The following MEGF6 variants were observed in gnomAD, a reference collection of about 807,000 sequenced individuals.
MEGF6 encodes the protein multiple epidermal growth factor-like domains protein 6.
In MEGF6, 184 loss-of-function variants were observed where a neutral mutation model predicts 207.1. The observed-to-expected ratio is 0.89, with a 90% CI of 0.79 to 1.00. The LOEUF (loss-of-function observed/expected upper bound fraction) is 1.00. Among genes scored for constraint, MEGF6 ranks in the 50% least tolerant of loss-of-function variants. MEGF6 has a pLI of 0.00. For synonymous variants in MEGF6, 1,038 were observed against 910.0 expected (o/e 1.14, Z -2.53); for missense variants, 2,282 against 2,202.9 (o/e 1.04, Z -0.72).
At position 3,497,086 on chromosome 1, in the gene MEGF6, G is replaced by A. The variant is rs746548460; in HGVS notation, c.3515C>T (p.Ala1172Val). 4.6e-5 allele frequency: 73 copies of A among 1,573,216 alleles called. No individual in the cohort carries two copies. The highest frequency in any genetic ancestry group is 3.2e-4 in the South Asian group (28 of 86,230). Residue 1172 changes from alanine (A) to valine (V), a missense_variant, in exon 28 of 37, where the codon GCG (alanine) becomes GTG (valine). Physicochemically the swap from Ala to Val is moderately conservative, Grantham distance 64. Coordinates refer to ENST00000356575, the MANE Select transcript of MEGF6 (RefSeq NM_001409.4). The stretch of plus-strand genomic sequence containing the variant: ...CTCACCGGGACACTGGCACATCTGC[G>A]CACAGTCCTCCCCAAAGCTGCCGGG... ...CPPGSFGEDC[A>V]QMCQCPGENP...
At chr1:3,523,824 T>TCC (rs1031607105) in intron 5 of MEGF6, among the ~76,000 whole-genome samples, 4 of 152,160 alleles carry the variant, frequency 2.6e-5, no homozygotes, top group Non-Finnish European at 5.9e-5. Context: ...ACGGGCTCAC[T>TCC]CCCCTGTCCA....
chr1:3,497,308 G>T lies in MEGF6; in HGVS notation c.3406C>A (p.Pro1136Thr). ...GTGACGTGGTGGCAGGCAGCGCCAG[G>T]CGGGCAGCTGCAGCGCTGGGCACAG... ...EACAQRCSCP[P>T]GAACHHVTGA... Residue 1136 changes from proline to threonine, a missense_variant, in exon 27 of 37, where the codon CCT becomes ACT. Transcript: ENST00000356575. 1 of 1,551,052 alleles carries T rather than the reference G, an allele frequency of 6.4e-7. No homozygotes were observed.
chr1:3,582,113 C>T (rs1206778179), intron 3 of MEGF6, among the ~76,000 whole-genome samples: 1 of 152,228 alleles, frequency 6.6e-6, no homozygotes, highest in Non-Finnish European at 1.5e-5. Flanking sequence ...CAGATGCACC[C>T]AGCAGGACAC....
Position 3,605,589 on chromosome 1 carries a change from T to C in MEGF6, c.132-2989A>G, listed in dbSNP as rs868147898. Among the ~76,000 whole-genome samples, 25 of 151,748 alleles carry C rather than the reference T, an allele frequency of 1.6e-4. No individual in the cohort carries two copies. The South Asian group carries it at 3.5e-3, about 22-fold the overall frequency. On this transcript the variant is annotated intron_variant, in intron 1 of 36. Transcript: ENST00000356575. The stretch of plus-strand genomic sequence containing the variant: ...ACTCACATACACACACATACACTCA[T>C]ACAATGACACACACACAATCACATA...
intron 3 of MEGF6, among the ~76,000 whole-genome samples, chr1:3,589,384 C>T (rs1376148354): frequency 6.6e-6 from 1 of 152,110 alleles, no homozygotes; most frequent in Non-Finnish European, 1.5e-5. Context: ...ACCCCACGCC[C>T]GTCCCATTTG....
At chr1:3,611,005 C>A in intron 1 of MEGF6, 133 bp downstream of exon 1, 1 of 1,203,028 alleles carries the variant, frequency 8.3e-7, no homozygotes, top group Non-Finnish European at 1.1e-6. Context: ...GCCACCTCCT[C>A]CCCAGTTAAC....
At chr1:3,539,993 C>CT (rs1557761420) in intron 4 of MEGF6, among the ~76,000 whole-genome samples, 1 of 152,230 alleles carries the variant, frequency 6.6e-6, no homozygotes, top group Non-Finnish European at 1.5e-5. Context: ...GCCTTCTGGG[C>CT]TGCTGCCTAA....
At chr1:3,507,733 G>A (rs990321590) in intron 14 of MEGF6, 62 bp downstream of exon 14, 1 of 1,606,414 alleles carries the variant, frequency 6.2e-7, no homozygotes, top group Non-Finnish European at 8.5e-7. Flanking sequence ...GAGGGGTGGT[G>A]TCTCCCACTT....
intron 2 of MEGF6, among the ~76,000 whole-genome samples, chr1:3,600,862 G>A (rs957011132): frequency 2.0e-5 from 3 of 152,184 alleles, no homozygotes; most frequent in African/African-American, 4.8e-5. Context: ...CCCCAGGAGC[G>A]GGGGCCAGGT....
At position 3,505,484 on chromosome 1, in the gene MEGF6, C is replaced by A; in HGVS notation, c.1991G>T (p.Cys664Phe). ...GGAGCAGCTGCCATCCCTCTTGTCA[C>A]AGGACTGCGTGTGGGGCTGCACACA... ...CQCVQPHTQS[C>F]DKRDGSCSCK... Residue 664 changes from cysteine to phenylalanine, a missense_variant, in exon 16 of 37, where the codon TGT (cysteine) becomes TTT (phenylalanine). Transcript: ENST00000356575. 6.2e-7 allele frequency: 1 copy of A among 1,609,394 alleles called. No homozygotes were observed. Among genetic ancestry groups the A allele is most frequent in the African/African-American group, 1.3e-5 (1 of 74,902 alleles).
rs1220113090 is a variant in MEGF6 at position 3,499,252 on chromosome 1, T to C, written c.2980A>G (p.Thr994Ala). The C allele has an allele frequency of 1.2e-6, 2 of 1,605,432 alleles. No individual in the cohort carries two copies. The highest frequency in any genetic ancestry group is 1.3e-5 in the African/African-American group (1 of 74,796). ...PRCAETCPAHTYGHNCSQACA... is the reference protein window; with the variant it reads ...PRCAETCPAHAYGHNCSQACA... ...GCCTGGCTGCAATTGTGCCCGTAGG[T>C]GTGGGCTGGGCAGGCTGCAGGTGGA... The change falls in exon 24 of 37, where the codon ACC becomes GCC. Residue 994 changes from threonine to alanine, a missense_variant. Transcript: ENST00000356575.
Position 3,514,588 on chromosome 1 carries a change from A to G in MEGF6, c.815T>C (p.Val272Ala). 6.3e-7 allele frequency: 1 copy of G among 1,588,068 alleles called. No homozygotes were observed. Among genetic ancestry groups the G allele is most frequent in the Non-Finnish European group, 8.5e-7 (1 of 1,169,668 alleles). ...GCCGTCCGCTGCTAGCTGATAGCCC[A>G]CGTGGCACTCACAGCGGGCGAGGCC... ...VRGLARCECH[V>A]GYQLAADGKA... The change falls in exon 7 of 37, where the codon GTG (valine) becomes GCG (alanine). Residue 272 changes from valine (V) to alanine (A), a missense_variant. Physicochemically the swap from Val to Ala is moderately conservative, Grantham distance 64. Coordinates refer to ENST00000356575, the MANE Select transcript of MEGF6 (RefSeq NM_001409.4).
chr1:3,557,294 T>C (rs1162602431), intron 4 of MEGF6, among the ~76,000 whole-genome samples: 2 of 152,202 alleles, frequency 1.3e-5, no homozygotes, highest in Non-Finnish European at 2.9e-5. Flanking sequence ...TTCTAACCAT[T>C]TGTCATGGCA....
chr1:3,549,325 G>A (rs1267883852), intron 4 of MEGF6, among the ~76,000 whole-genome samples: 2 of 152,216 alleles, frequency 1.3e-5, no homozygotes, highest in East Asian at 1.9e-4. Context: ...GCTTGGGCTG[G>A]AACTCTGGGC....
chr1:3,586,447 G>A (rs577444867), intron 3 of MEGF6, among the ~76,000 whole-genome samples: 43 of 152,298 alleles, frequency 2.8e-4, no homozygotes, highest in Middle Eastern at 3.4e-3. Flanking sequence ...GGTGGGCGGC[G>A]GGTGCAGATG....
chr1:3,499,500 C>T, intron 23 of MEGF6, 88 bp downstream of exon 23: 1 of 1,516,556 alleles, frequency 6.6e-7, no homozygotes, highest in Admixed American at 2.0e-5. Context: ...GCTTCAGACA[C>T]TCAGGACAGG....
Position 3,602,446 on chromosome 1 carries a change from A to G in MEGF6, c.266+20T>C. The G allele has an allele frequency of 6.2e-7, 1 of 1,612,910 alleles. No individual in the cohort carries two copies. The highest frequency in any genetic ancestry group is 2.2e-5 in the East Asian group (1 of 44,852). ...TTGTGTGAATGGAGCCCCTCCCCCA[A>G]CACGGGCCCCTGCACTTACCTCCGC... On this transcript the variant is annotated intron_variant, in intron 2 of 36. Coordinates refer to ENST00000356575, the MANE Select transcript of MEGF6 (RefSeq NM_001409.4).
chr1:3,494,082 C>A lies in MEGF6; in HGVS notation c.4172G>T (p.Cys1391Phe), dbSNP rs776963364. ...GFHGAGCQGL[C>F]WCQHGAPCDP... Reference sequence around the variant, plus strand: ...GCAGGGGGCTCCATGTTGACACCAGCACAACCCCTGGCAGCCAGCCCCGTG... The same window carrying A: ...GCAGGGGGCTCCATGTTGACACCAGAACAACCCCTGGCAGCCAGCCCCGTG... Residue 1391 changes from cysteine (C) to phenylalanine (F), a missense_variant, in exon 33 of 37, where the codon TGC becomes TTC. Physicochemically the swap from Cys to Phe is radical, Grantham distance 205. Transcript: ENST00000356575. 9.4e-6 allele frequency: 15 copies of A among 1,594,926 alleles called. No homozygotes were observed. Among genetic ancestry groups the A allele is most frequent in the Non-Finnish European group, 1.1e-5 (13 of 1,169,482 alleles).
chr1:3,513,333 T>C (rs1057512469), intron 7 of MEGF6, among the ~76,000 whole-genome samples: 1 of 152,008 alleles, frequency 6.6e-6, no homozygotes, highest in Non-Finnish European at 1.5e-5. Flanking sequence ...TGCCTCAGCC[T>C]TCCGAGTAGC....
Sources: gnomAD v4.1 joint callset for allele counts (sites outside exome capture counted in the v4.1 genomes callset) on GRCh38, gnomAD v4.1.1 for gene constraint, MANE v1.5 for transcripts, NCBI Gene and HGNC (gene_info 2026-07-23, HGNC 2026-07-21) for gene names.